IYD: variants seen among roughly 807,000 people sequenced by gnomAD.
The protein encoded by IYD is iodotyrosine deiodinase, also known as iodotyrosine deiodinase 1.
IYD carries 25 observed loss-of-function variants against 28.4 expected under a neutral mutation model. The observed-to-expected ratio is 0.88, with a 90% CI of 0.64 to 1.23. The LOEUF is 1.23. IYD is among the 50% of genes most tolerant of loss of function. The pLI is 0.00. For missense variants in IYD, 352 were observed against 357.9 expected (o/e 0.98, Z 0.13); for synonymous variants, 140 against 130.8 (o/e 1.07, Z -0.48).
Position 150,398,342 on chromosome 6 carries a change from G to A in IYD, c.*105G>A. 1.8e-6 allele frequency: 2 copies of A among 1,126,942 alleles called. No homozygotes were observed. The highest frequency in any genetic ancestry group is 2.6e-6 in the Non-Finnish European group (2 of 754,994). The allele number at this position is 1,126,942 out of a possible 1,614,324, so 69.8% of individuals were successfully genotyped here. ...TTGGCTGCTCTTTCTCCAGGTGTCA[G>A]GTCCCCTCATTGCTCTTCTCAGGTG... On this transcript the variant is annotated 3_prime_UTR_variant, in exon 5 of 5. Coordinates refer to ENST00000344419, the MANE Select transcript of IYD (RefSeq NM_203395.3).
In IYD at chr6:150,398,236, A is replaced by G. The variant is rs775449079; in HGVS notation, c.869A>G (p.Ter290TrpextTer105). Residue 290 changes from the stop codon to tryptophan, a stop_lost, in exon 5 of 5, where the codon TAG (stop) becomes TGG (tryptophan). Coordinates refer to ENST00000344419, the MANE Select transcript of IYD (RefSeq NM_203395.3). Reference sequence around the variant, plus strand: ...CTGGACCAGATCATGGTGACAGTGTAGGCAGGGCCCCCCAAGGGAGTGGCA... The same window carrying G: ...CTGGACCAGATCATGGTGACAGTGTGGGCAGGGCCCCCCAAGGGAGTGGCA... ...KPLDQIMVTV[*>W] The G allele has an allele frequency of 3.7e-6, 6 of 1,614,128 alleles. No individual in the cohort carries two copies. Among genetic ancestry groups the G allele is most frequent in the Non-Finnish European group, 5.1e-6 (6 of 1,180,000 alleles).
intron 1 of IYD, among the ~76,000 whole-genome samples, chr6:150,389,001 C>G (rs1778009656): frequency 6.6e-6 from 1 of 152,140 alleles, no homozygotes; most frequent in African/African-American, 2.4e-5. Flanking sequence ...CACGCCCGGA[C>G]TTTTCTTCCT....
intron 1 of IYD, among the ~76,000 whole-genome samples, chr6:150,388,835 G>A (rs1217680104): frequency 4.0e-5 from 6 of 151,204 alleles, no homozygotes; most frequent in Admixed American, 4.0e-4. Flanking sequence ...CCAAGTAGTT[G>A]GGATTACAGG....
Position 150,398,220 on chromosome 6 carries a change from A to G in IYD, c.853A>G (p.Ile285Val). Residue 285 changes from isoleucine (I) to valine (V), a missense_variant, in exon 5 of 5, where the codon ATC becomes GTC. Transcript: ENST00000344419. Reference protein sequence around the residue: ...PDLKRKPLDQIMVTV With the variant: ...PDLKRKPLDQVMVTV The stretch of plus-strand genomic sequence containing the variant: ...CCTCAAGCGCAAACCTCTGGACCAG[A>G]TCATGGTGACAGTGTAGGCAGGGCC... 6.2e-7 allele frequency: 1 copy of G among 1,614,082 alleles called. No homozygotes were observed. The highest frequency in any genetic ancestry group is 8.5e-7 in the Non-Finnish European group (1 of 1,180,000).
At position 150,369,111 on chromosome 6, in the gene IYD, T is replaced by C. The variant is rs1255791368; in HGVS notation, c.80T>C (p.Met27Thr). ...ATCTTTAAAAATGCCGACAGAAGCA[T>C]GGAGAAAAAGAAGGGGGAGCCTAGA... ...VWIFKNADRS[M>T]EKKKGEPRTR... The change falls in exon 1 of 5, where the codon ATG becomes ACG. Residue 27 changes from methionine (M) to threonine (T), a missense_variant. Coordinates refer to ENST00000344419, the MANE Select transcript of IYD (RefSeq NM_203395.3). 2.0e-5 allele frequency: 33 copies of C among 1,612,860 alleles called. No homozygotes were observed. The highest frequency in any genetic ancestry group is 2.6e-5 in the Non-Finnish European group (31 of 1,179,742).
chr6:150,398,047 T>C lies in IYD; in HGVS notation c.688-8T>C. The C allele has an allele frequency of 6.2e-7, 1 of 1,614,052 alleles. No individual in the cohort carries two copies. Among genetic ancestry groups the C allele is most frequent in the Non-Finnish European group, 8.5e-7 (1 of 1,179,890 alleles). The stretch of plus-strand genomic sequence containing the variant: ...ACTTTAAAATGCTTTCTTGTCCTCT[T>C]ATTTTAGAATGCAGGTCTGGTGACT... On this transcript the variant is annotated splice_region_variant and splice_polypyrimidine_tract_variant and intron_variant, in intron 4 of 4. Coordinates refer to ENST00000344419, the MANE Select transcript of IYD (RefSeq NM_203395.3).
rs1778453179 is a variant in IYD at position 150,399,819 on chromosome 6, T to A, written c.*1582T>A. On this transcript the variant is annotated 3_prime_UTR_variant, in exon 5 of 5. Transcript: ENST00000344419. ...GAGGGTTAGAGCCTCTGGCATGCCT[T>A]TTATAAGGGTACTAATCCCATCATG... The A allele has an allele frequency of 1.3e-5, 2 of 152,208 alleles. No homozygotes were observed. Among genetic ancestry groups the A allele is most frequent in the South Asian group, 4.2e-4 (2 of 4,812 alleles). 9.4% of individuals were successfully genotyped at this position (152,208 alleles called of 1,614,324 possible).
chr6:150,379,340 A>G (rs575271901), intron 1 of IYD, among the ~76,000 whole-genome samples: 1 of 152,308 alleles, frequency 6.6e-6, no homozygotes, highest in Admixed American at 6.5e-5. Context: ...CCCCCAGTCA[A>G]GCTATGTCTA....
chr6:150,395,628 A>C (rs1778284846), intron 4 of IYD: 1 of 1,279,788 alleles, frequency 7.8e-7, no homozygotes, highest in Non-Finnish European at 1.1e-6. Context: ...CCTAGCTTTC[A>C]TAAGGCATAA....
At chr6:150,390,795 A>G (rs1395518119) in intron 2 of IYD, among the ~76,000 whole-genome samples, 2 of 152,150 alleles carry the variant, frequency 1.3e-5, no homozygotes, top group African/African-American at 4.8e-5. Flanking sequence ...AGAATCCCAC[A>G]GGAATTGAGG....
chr6:150,389,291 A>G, intron 1 of IYD, 61 bp from the exon 2 acceptor site: 1 of 1,259,034 alleles, frequency 7.9e-7, no homozygotes, highest in Non-Finnish European at 1.2e-6. Flanking sequence ...TCTTCTCCCC[A>G]GCGGTCACCT....
At chr6:150,394,315 C>A in intron 4 of IYD, 60 bp downstream of exon 4, 1 of 1,583,736 alleles carries the variant, frequency 6.3e-7, no homozygotes, top group Non-Finnish European at 8.7e-7. Context: ...GCTGAGTTTT[C>A]AATTCAGGGA....
In IYD at chr6:150,405,244, C is replaced by T. The variant is rs1233130138; in HGVS notation, c.*7007C>T. Reference sequence around the variant, plus strand: ...GCCCTCCCTGGTCTAGACCTTCAGCCTTGACCTTGCCCTGAAACGCCAAAC... The same window carrying T: ...GCCCTCCCTGGTCTAGACCTTCAGCTTTGACCTTGCCCTGAAACGCCAAAC... On this transcript the variant is annotated 3_prime_UTR_variant, in exon 5 of 5. Coordinates refer to ENST00000344419, the MANE Select transcript of IYD (RefSeq NM_203395.3). 2 of 152,244 alleles carry T rather than the reference C, an allele frequency of 1.3e-5. No individual in the cohort carries two copies. The highest frequency in any genetic ancestry group is 3.9e-4 in the East Asian group (2 of 5,182). The allele number at this position is 152,244 out of a possible 1,614,324, so 9.4% of individuals were successfully genotyped here. A position where few individuals can be genotyped will look rare whatever the true frequency, so the allele number is the denominator to read the frequency against.
Position 150,392,394 on chromosome 6 carries a change from G to A in IYD, c.420G>A (p.Val140=). ...AHTEPWTFVV[V]KDPDVKHKIR... is the part of the protein sequence containing the mutation. ...CAGAGCCCTGGACCTTCGTGGTTGTGAAGGACCCAGACGTGAAGCACAAGA... is the reference window on the plus strand; with the variant it reads ...CAGAGCCCTGGACCTTCGTGGTTGTAAAGGACCCAGACGTGAAGCACAAGA... Residue 140 remains valine (V), a synonymous_variant, in exon 3 of 5, where the codon GTG becomes GTA. Transcript: ENST00000344419. 1.2e-6 allele frequency: 2 copies of A among 1,613,870 alleles called. No homozygotes were observed. Among genetic ancestry groups the A allele is most frequent in the Non-Finnish European group, 1.7e-6 (2 of 1,179,872 alleles).
At chr6:150,384,260 G>A (rs1336034562) in intron 1 of IYD, 2 of 152,084 alleles carry the variant, frequency 1.3e-5, no homozygotes, top group African/African-American at 2.4e-5. Flanking sequence ...AAATATTAGG[G>A]CAGGTTTGTT....
chr6:150,389,326 G>GT (rs773408570), intron 1 of IYD, 26 bp from the exon 2 acceptor site: 16 of 1,593,742 alleles, frequency 1.0e-5, no homozygotes, highest in South Asian at 9.9e-5. Flanking sequence ...CATTTAGTTT[G>GT]TTACCTTTCT....
chr6:150,395,949 G>A, intron 4 of IYD: 1 of 445,234 alleles, frequency 2.2e-6, no homozygotes, highest in Non-Finnish European at 4.0e-6. Context: ...TCACTGGGTG[G>A]GGATGCTCTG....
chr6:150,374,287 A>T (rs1358276499), intron 1 of IYD, among the ~76,000 whole-genome samples: 1 of 152,244 alleles, frequency 6.6e-6, no homozygotes. Flanking sequence ...GTGTGTTTTC[A>T]TGCTAGGTTT....
chr6:150,372,087 A>G (rs1714178792), intron 1 of IYD, among the ~76,000 whole-genome samples: 1 of 152,220 alleles, frequency 6.6e-6, no homozygotes, highest in African/African-American at 2.4e-5. Flanking sequence ...TAGATACCAG[A>G]TTGAAACCAT....
Sources: gnomAD v4.1 joint callset for allele counts (sites outside exome capture counted in the v4.1 genomes callset) on GRCh38, gnomAD v4.1.1 for gene constraint, MANE v1.5 for transcripts, NCBI Gene and HGNC (gene_info 2026-07-23, HGNC 2026-07-21) for gene names.